FLNB: variants seen among roughly 807,000 people sequenced by gnomAD.
FLNB encodes the protein filamin B.
A neutral mutation model predicts 250.6 loss-of-function variants in FLNB; 111 were observed. That is an observed-to-expected ratio of 0.44 (90% CI 0.38 to 0.52). FLNB has a LOEUF of 0.52. Among genes scored for constraint, FLNB ranks in the 20% least tolerant of loss-of-function variants. The pLI, the probability that FLNB is intolerant of heterozygous loss-of-function variation, is 0.00. For synonymous variants in FLNB, 1,302 were observed against 1,372.1 expected, an observed-to-expected ratio of 0.95 and a Z score of 1.13; for missense variants, 2,869 against 3,447.8, an observed-to-expected ratio of 0.83 and a Z score of 4.20.
intron 4 of FLNB, among the ~76,000 whole-genome samples, chr3:58,090,106 T>G (rs1053833786): frequency 1.3e-5 from 2 of 151,944 alleles, no homozygotes; most frequent in African/African-American, 2.4e-5. Flanking sequence ...CTCTGTAAGC[T>G]TTTTTCTGTG....
intron 4 of FLNB, among the ~76,000 whole-genome samples, chr3:58,083,367 CTTTTTTTTTTT>C (rs71091341): frequency 2.2e-5 from 2 of 91,488 alleles, no homozygotes; most frequent in African/African-American, 8.5e-5. Flanking sequence ...TCAGCTTAGT[CTTTTTTTTTTT>C]TTTTTTTTTT....
At chr3:58,051,832 A>T in intron 1 of FLNB, among the ~76,000 whole-genome samples, 1 of 151,970 alleles carries the variant, frequency 6.6e-6, no homozygotes, top group Non-Finnish European at 1.5e-5. Flanking sequence ...GCACAGAGCA[A>T]CCCTGACCTG....
At chr3:58,108,966 C>T (rs1405809493) in intron 13 of FLNB, among the ~76,000 whole-genome samples, 1 of 152,192 alleles carries the variant, frequency 6.6e-6, no homozygotes, top group Non-Finnish European at 1.5e-5. Flanking sequence ...GTTTTTGGGT[C>T]ACTTGCTCTT....
At chr3:58,157,166 G>A (rs577181434) in intron 41 of FLNB, among the ~76,000 whole-genome samples, 36 of 152,296 alleles carry the variant, frequency 2.4e-4, no homozygotes, top group African/African-American at 7.2e-4. Context: ...AAGAACCATC[G>A]GGGATGCCTC....
At chr3:58,143,635 A>T in intron 32 of FLNB, 22 bp downstream of exon 32, 1 of 1,613,254 alleles carries the variant, frequency 6.2e-7, no homozygotes, top group Non-Finnish European at 8.5e-7. Flanking sequence ...CAGCAGGCCC[A>T]GCAGGGCTCC....
intron 1 of FLNB, among the ~76,000 whole-genome samples, chr3:58,011,408 C>T (rs1273464295): frequency 6.6e-6 from 1 of 152,218 alleles, no homozygotes; most frequent in East Asian, 1.9e-4. Context: ...GAGTGACATT[C>T]CTGGGTTAAA....
Position 58,132,831 on chromosome 3 carries a change from G to A in FLNB, c.4414G>A (p.Val1472Met), listed in dbSNP as rs141098733. Residue 1472 changes from valine (V) to methionine (M), a missense_variant, in exon 26 of 46, where the codon GTG (valine) becomes ATG (methionine). Physicochemically the swap from Val to Met is conservative, Grantham distance 21 (BLOSUM62 1). Transcript: ENST00000295956. ...AGGCTTGGTGGAGCCAGTGAACGTG[G>A]TGGACAATGGAGATGGCACACACAC... ...PRGLVEPVNV[V>M]DNGDGTHTVT... The A allele has an allele frequency of 2.6e-4, 420 of 1,614,098 alleles. No homozygotes were observed. The highest frequency in any genetic ancestry group is 6.9e-4 in the South Asian group (63 of 91,062).
At position 58,169,667 on chromosome 3, in the gene FLNB, G is replaced by C. The variant is rs1575485887; in HGVS notation, c.7495G>C (p.Glu2499Gln). ...LVESVTRSST[E>Q]TCYSAIPKAS... ...GGAGTCAGTGACCAGGTCGTCTACAGAGACCTGCTATAGCGCCATTCCCAA... is the reference window on the plus strand; with the variant it reads ...GGAGTCAGTGACCAGGTCGTCTACACAGACCTGCTATAGCGCCATTCCCAA... The change falls in exon 45 of 46, where the codon GAG becomes CAG. Residue 2499 changes from glutamate to glutamine, a missense_variant. This residue lies in a region of FLNB where 1,084 missense variants were observed against 1,315.5 expected (regional missense o/e 0.82). Transcript: ENST00000295956. This position sits in a 1 kb window ranked among gnomAD's most constrained non-coding sequence, Gnocchi z 4.8. 6.2e-7 allele frequency: 1 copy of C among 1,613,970 alleles called. No homozygotes were observed. Among genetic ancestry groups the C allele is most frequent in the Non-Finnish European group, 8.5e-7 (1 of 1,179,880 alleles).
At chr3:58,073,995 T>G (rs562601460) in intron 1 of FLNB, among the ~76,000 whole-genome samples, 5 of 152,362 alleles carry the variant, frequency 3.3e-5, no homozygotes, top group African/African-American at 1.2e-4. Context: ...TGGAGTTTCA[T>G]GCATCGTAAT....
At position 58,078,707 on chromosome 3, in the gene FLNB, C is replaced by T; in HGVS notation, c.542-10C>T. The T allele has an allele frequency of 1.2e-6, 2 of 1,611,098 alleles. No individual in the cohort carries two copies. Among genetic ancestry groups the T allele is most frequent in the Non-Finnish European group, 1.7e-6 (2 of 1,177,994 alleles). ...TAATGCTAAAAGAATCTTTTGTGTTCTGTTAACAGGTCTGTGCCCAGACTG... is the reference window on the plus strand; with the variant it reads ...TAATGCTAAAAGAATCTTTTGTGTTTTGTTAACAGGTCTGTGCCCAGACTG... On this transcript the variant is annotated splice_polypyrimidine_tract_variant and intron_variant, in intron 2 of 45. Transcript: ENST00000295956.
At chr3:58,150,299 C>T in intron 38 of FLNB, 72 bp downstream of exon 38, 1 of 1,582,454 alleles carries the variant, frequency 6.3e-7, no homozygotes, top group Non-Finnish European at 8.7e-7. Context: ...CCTTTGGGAA[C>T]CAAGTTTAGG....
Position 58,169,653 on chromosome 3 carries a change from C to T in FLNB, c.7481C>T (p.Thr2494Ile), listed in dbSNP as rs1559745834. The change falls in exon 45 of 46, where the codon ACC becomes ATC. Residue 2494 changes from threonine (T) to isoleucine (I), a missense_variant. By Grantham distance (89) the Thr-to-Ile change is moderately conservative (BLOSUM62 -1). Coordinates refer to ENST00000295956, the MANE Select transcript of FLNB (RefSeq NM_001457.4). The surrounding 1 kb of genome is among the most constrained non-coding windows in gnomAD (Gnocchi z 4.8). The stretch of plus-strand genomic sequence containing the variant: ...TCATCCATCCTGGTGGAGTCAGTGA[C>T]CAGGTCGTCTACAGAGACCTGCTAT... ...ETSSILVESV[T>I]RSSTETCYSA... 3.1e-6 allele frequency: 5 copies of T among 1,614,096 alleles called. No homozygotes were observed. The highest frequency in any genetic ancestry group is 1.1e-5 in the South Asian group (1 of 91,078).
intron 1 of FLNB, among the ~76,000 whole-genome samples, chr3:58,063,050 C>G (rs2097180776): frequency 1.3e-5 from 2 of 152,196 alleles, no homozygotes; most frequent in African/African-American, 4.8e-5. Flanking sequence ...TTACGACTCT[C>G]ATTTTGCAGG....
At chr3:58,159,445 A>G (rs2097358063) in intron 41 of FLNB, 109 bp from the exon 42 acceptor site, 1 of 1,125,796 alleles carries the variant, frequency 8.9e-7, no homozygotes, top group African/African-American at 1.5e-5. Context: ...GTTATATAGA[A>G]AAACCTATTT....
chr3:58,134,546 GA>G, intron 26 of FLNB, 69 bp from the exon 27 acceptor site: 6 of 1,580,604 alleles, frequency 3.8e-6, no homozygotes, highest in Non-Finnish European at 5.2e-6. Flanking sequence ...TTATGTGTAA[GA>G]AAAGTCAGAT....
intron 4 of FLNB, among the ~76,000 whole-genome samples, chr3:58,083,638 T>C (rs1251795874): frequency 1.3e-5 from 2 of 152,072 alleles, no homozygotes; most frequent in African/African-American, 4.8e-5. Context: ...ATCCGCTTAT[T>C]CTTAAGACGA....
At position 58,148,847 on chromosome 3, in the gene FLNB, A is replaced by T; in HGVS notation, c.6086A>T (p.Asp2029Val). ...EMSDFIVDTRDAGYGGISLAV... is the reference protein window; with the variant it reads ...EMSDFIVDTRVAGYGGISLAV... ...TCTGACTTCATCGTGGACACAAGGG[A>T]TGCAGGTCTGTGTGGTCCCAGGGGA... The change falls in exon 36 of 46, where the codon GAT (aspartate) becomes GTT (valine). Residue 2029 changes from aspartate (D) to valine (V), a missense_variant. This residue lies in a region of FLNB where 1,084 missense variants were observed against 1,315.5 expected (regional missense o/e 0.82). Coordinates refer to ENST00000295956, the MANE Select transcript of FLNB (RefSeq NM_001457.4). 2 of 1,611,978 alleles carry T rather than the reference A, an allele frequency of 1.2e-6. No individual in the cohort carries two copies. Among genetic ancestry groups the T allele is most frequent in the Non-Finnish European group, 1.7e-6 (2 of 1,179,876 alleles).
At chr3:58,073,958 A>G (rs2097198246) in intron 1 of FLNB, among the ~76,000 whole-genome samples, 1 of 152,232 alleles carries the variant, frequency 6.6e-6, no homozygotes, top group African/African-American at 2.4e-5. Flanking sequence ...ACAGCCAGCA[A>G]GAGAATCTGT....
At position 58,065,034 on chromosome 3, in the gene FLNB, C is replaced by T. The variant is rs535566613; in HGVS notation, c.293-12012C>T. Among the ~76,000 whole-genome samples the T allele has an allele frequency of 1.2e-3, 190 of 152,140 alleles. 1 individual carries two copies. Among genetic ancestry groups the T allele is most frequent in the Middle Eastern group, 6.8e-3 (2 of 294 alleles). The stretch of plus-strand genomic sequence containing the variant: ...CAGCTTGGGTGACAGAGCAAGACCC[C>T]GGACCCTGTCTCAAAAAAAAAATTC... On this transcript the variant is annotated intron_variant, in intron 1 of 45. Coordinates refer to ENST00000295956, the MANE Select transcript of FLNB (RefSeq NM_001457.4).
Sources: gnomAD v4.1 joint callset for allele counts (sites outside exome capture counted in the v4.1 genomes callset) on GRCh38, gnomAD v4.1.1 for gene constraint, gnomAD v4.1.1 regional missense constraint, Gnocchi (gnomAD v3.1) non-coding constraint, MANE v1.5 for transcripts, NCBI Gene and HGNC (gene_info 2026-07-23, HGNC 2026-07-21) for gene names.